KCNA2: variants seen among roughly 807,000 people sequenced by gnomAD.
KCNA2 encodes potassium voltage-gated channel subfamily A member 2, also known as potassium channel, voltage gated shaker related subfamily A, member 2.
In KCNA2, 11 loss-of-function variants were observed where a neutral mutation model predicts 33.4. The observed-to-expected ratio is 0.33, with a 90% CI of 0.21 to 0.55. KCNA2 has a LOEUF of 0.55. KCNA2 is among the 20% of genes least tolerant of loss of function. The pLI is 0.93. For missense variants in KCNA2, 291 were observed against 621.6 expected (o/e 0.47, Z 5.66); for synonymous variants, 222 against 231.3 (o/e 0.96, Z 0.37).
At chr1:110,607,463 G>A (rs1458856846), upstream of KCNA2, 2 of 152,508 alleles carry the variant, frequency 1.3e-5, no homozygotes, top group African/African-American at 4.8e-5. Flanking sequence ...GAATTAAAGG[G>A]GCCGGCGGGG....
intron 1 of KCNA2, among the ~76,000 whole-genome samples, chr1:110,624,119 T>A (rs918481528): frequency 2.0e-5 from 3 of 152,242 alleles, no homozygotes; most frequent in Non-Finnish European, 4.4e-5. Context: ...ATATACCTAC[T>A]ATATTAGCAA....
At chr1:110,615,195 T>G (rs1248302441) in intron 1 of KCNA2, among the ~76,000 whole-genome samples, 1 of 152,132 alleles carries the variant, frequency 6.6e-6, no homozygotes, top group Admixed American at 6.6e-5. Flanking sequence ...AGGCGACCTG[T>G]AAGATCACAG....
At position 110,594,292 on chromosome 1, in the gene KCNA2, TCTATATATATATATAC is replaced by T; in HGVS notation, c.*8975_*8990del. Reference sequence around the variant, plus strand: ...CGGCCATTTCCTCTCTCTCTCTCTCTCTATATATATATATACATATATATATATATGTGTGTGTATA... The same window carrying T: ...CGGCCATTTCCTCTCTCTCTCTCTCTATATATATATATATGTGTGTGTATA... On this transcript the variant is annotated 3_prime_UTR_variant, in exon 3 of 3. Transcript: ENST00000316361. 1.1e-6 allele frequency: 1 copy of T among 875,754 alleles called. No individual in the cohort carries two copies. The highest frequency in any genetic ancestry group is 1.3e-6 in the Non-Finnish European group (1 of 744,102). The allele number at this position is 875,754 out of a possible 1,614,324, so 54.2% of individuals were successfully genotyped here. A position where few individuals can be genotyped will look rare whatever the true frequency, so the allele number is the denominator to read the frequency against.
rs1263392943 is a variant in KCNA2, at chr1:110,599,902, C to T, written c.*3381G>A. ...CCAGCTGTCCCAGGTACTTTCACAC[C>T]CTGCACCCAGGTTTCTGGTGGGAGG... On this transcript the variant is annotated 3_prime_UTR_variant, in exon 3 of 3. Transcript: ENST00000316361. The T allele has an allele frequency of 2.0e-6, 2 of 985,232 alleles. No individual in the cohort carries two copies. The highest frequency in any genetic ancestry group is 1.7e-5 in the African/African-American group (1 of 57,188). 61.0% of individuals were successfully genotyped at this position (985,232 alleles called of 1,614,324 possible). A position where few individuals can be genotyped will look rare whatever the true frequency, so the allele number is the denominator to read the frequency against.
Position 110,595,462 on chromosome 1 carries a change from G to C in KCNA2, c.*7821C>G. 1 of 985,422 alleles carries C rather than the reference G, an allele frequency of 1.0e-6. No homozygotes were observed. The highest frequency in any genetic ancestry group is 1.2e-6 in the Non-Finnish European group (1 of 829,968). 61.0% of individuals were successfully genotyped at this position (985,422 alleles called of 1,614,324 possible). On this transcript the variant is annotated 3_prime_UTR_variant, in exon 3 of 3. Coordinates refer to ENST00000316361, the MANE Select transcript of KCNA2 (RefSeq NM_004974.4). ...ATAGCCAGACTGGAGGGCTTCTGTG[G>C]GTGTGGGGAGATGGCAGACACCCCT... is the stretch of plus-strand genomic sequence containing the variant.
At position 110,594,346 on chromosome 1, in the gene KCNA2, C is replaced by T; in HGVS notation, c.*8937G>A. 1 of 974,972 alleles carries T rather than the reference C, an allele frequency of 1.0e-6. No homozygotes were observed. The highest frequency in any genetic ancestry group is 1.2e-6 in the Non-Finnish European group (1 of 822,490). The allele number at this position is 974,972 out of a possible 1,614,324, so 60.4% of individuals were successfully genotyped here. On this transcript the variant is annotated 3_prime_UTR_variant, in exon 3 of 3. Transcript: ENST00000316361. Reference sequence around the variant, plus strand: ...ATGTGTGTGTATATATATATACACACACATCACACACAATATAAAGTCTCC... The same window carrying T: ...ATGTGTGTGTATATATATATACACATACATCACACACAATATAAAGTCTCC...
chr1:110,601,722 G>C lies in KCNA2; in HGVS notation c.*1561C>G, dbSNP rs971355462. ...ACAAATTAACCCATTAGGCCTCTTA[G>C]ACAGCCAACCCACCAAGCAGTGGAT... is the stretch of plus-strand genomic sequence containing the variant. On this transcript the variant is annotated 3_prime_UTR_variant, in exon 3 of 3. Coordinates refer to ENST00000316361, the MANE Select transcript of KCNA2 (RefSeq NM_004974.4). 5 of 1,160,600 alleles carry C rather than the reference G, an allele frequency of 4.3e-6. No individual in the cohort carries two copies. The highest frequency in any genetic ancestry group is 5.3e-6 in the Non-Finnish European group (5 of 945,308). 71.9% of individuals were successfully genotyped at this position (1,160,600 alleles called of 1,614,324 possible).
chr1:110,606,953 G>T (rs1409008324), upstream of KCNA2: 1 of 152,690 alleles, frequency 6.5e-6, no homozygotes, highest in East Asian at 1.9e-4. Context: ...GCTGCCAGCT[G>T]CACTTCCCAC....
At chr1:110,615,965 C>T (rs190434084) in intron 1 of KCNA2, among the ~76,000 whole-genome samples, 2 of 152,268 alleles carry the variant, frequency 1.3e-5, no homozygotes, top group South Asian at 2.1e-4. Flanking sequence ...GGTGCAGGGA[C>T]GTGCCTAAGG....
Position 110,597,399 on chromosome 1 carries a change from G to C in KCNA2, c.*5884C>G. 1 of 985,412 alleles carries C rather than the reference G, an allele frequency of 1.0e-6. No homozygotes were observed. 61.0% of individuals were successfully genotyped at this position (985,412 alleles called of 1,614,324 possible). On this transcript the variant is annotated 3_prime_UTR_variant, in exon 3 of 3. Coordinates refer to ENST00000316361, the MANE Select transcript of KCNA2 (RefSeq NM_004974.4). ...TGAGGGAAAGTCAACAAAATGGGCT[G>C]AAAAGGTCACACAAACTTAGGATTT...
chr1:110,602,291 A>C lies in KCNA2; in HGVS notation c.*992T>G, dbSNP rs894445137. ...GCCTTCTGATGGGAAAAAAACCCCTAGTTCAAGACCATTCCAAGCCTATTA... is the reference window on the plus strand; with the variant it reads ...GCCTTCTGATGGGAAAAAAACCCCTCGTTCAAGACCATTCCAAGCCTATTA... On this transcript the variant is annotated 3_prime_UTR_variant, in exon 3 of 3. Coordinates refer to ENST00000316361, the MANE Select transcript of KCNA2 (RefSeq NM_004974.4). 6.7e-7 allele frequency: 1 copy of C among 1,486,510 alleles called. No individual in the cohort carries two copies. 92.1% of individuals were successfully genotyped at this position (1,486,510 alleles called of 1,614,324 possible).
At chr1:110,608,674 G>T (rs1649762717), upstream of KCNA2, among the ~76,000 whole-genome samples, 3 of 152,186 alleles carry the variant, frequency 2.0e-5, no homozygotes, top group South Asian at 6.2e-4. Flanking sequence ...GGGCTGGTAT[G>T]GTTTAGAGCA....
In KCNA2 at chr1:110,601,076, C is replaced by A; in HGVS notation, c.*2207G>T. On this transcript the variant is annotated 3_prime_UTR_variant, in exon 3 of 3. Transcript: ENST00000316361. ...CATTTCAGGGTCAACCTACTGTCTACCTTTAGGCTGTGCAGTGCTCATTTG... is the reference window on the plus strand; with the variant it reads ...CATTTCAGGGTCAACCTACTGTCTAACTTTAGGCTGTGCAGTGCTCATTTG... The A allele has an allele frequency of 1.0e-6, 1 of 985,440 alleles. No homozygotes were observed. Among genetic ancestry groups the A allele is most frequent in the Non-Finnish European group, 1.2e-6 (1 of 829,948 alleles). The allele number at this position is 985,440 out of a possible 1,614,324, so 61.0% of individuals were successfully genotyped here.
At chr1:110,612,052 C>T (rs890487799) in intron 1 of KCNA2, among the ~76,000 whole-genome samples, 2 of 152,014 alleles carry the variant, frequency 1.3e-5, no homozygotes, top group African/African-American at 4.8e-5. Context: ...AATAAAAGAA[C>T]ATGTTAAGGA....
At chr1:110,628,558 T>C (rs1421319221) in intron 1 of KCNA2, among the ~76,000 whole-genome samples, 1 of 152,158 alleles carries the variant, frequency 6.6e-6, no homozygotes, top group Non-Finnish European at 1.5e-5. Context: ...CAGAGACCCA[T>C]TGTGTCCATC....
chr1:110,594,048 C>T lies in KCNA2; in HGVS notation c.*9235G>A, dbSNP rs1648980210. On this transcript the variant is annotated 3_prime_UTR_variant, in exon 3 of 3. Transcript: ENST00000316361. ...CCCAGCCTCTTATCACCATGGAGAC[C>T]CCAGTTCCCTTTCGGCATCATCCTT... The T allele has an allele frequency of 2.0e-6, 3 of 1,494,854 alleles. No homozygotes were observed. In the African/African-American group the frequency reaches 4.2e-5, roughly 21 times the overall value. 92.6% of individuals were successfully genotyped at this position (1,494,854 alleles called of 1,614,324 possible). A position where few individuals can be genotyped will look rare whatever the true frequency, so the allele number is the denominator to read the frequency against.
rs1649254797 is a variant in KCNA2 at position 110,599,711 on chromosome 1, G to A, written c.*3572C>T. The A allele has an allele frequency of 1.0e-6, 1 of 985,288 alleles. No individual in the cohort carries two copies. The highest frequency in any genetic ancestry group is 1.2e-6 in the Non-Finnish European group (1 of 829,934). 61.0% of individuals were successfully genotyped at this position (985,288 alleles called of 1,614,324 possible). ...TTGGGGACATCTTTACCCTGGTCCT[G>A]GGCTCAAGATCCTGCAGTTTCTTGA... On this transcript the variant is annotated 3_prime_UTR_variant, in exon 3 of 3. Transcript: ENST00000316361.
intron 1 of KCNA2, among the ~76,000 whole-genome samples, chr1:110,619,538 G>T (rs781212452): frequency 1.9e-4 from 29 of 152,248 alleles, no homozygotes. Context: ...ACATGCAGCG[G>T]TATCTGCACA....
At chr1:110,629,929 G>A (rs114403865) in intron 1 of KCNA2, among the ~76,000 whole-genome samples, 1,990 of 151,868 alleles carry the variant, frequency 0.013, 50 homozygotes, top group African/African-American at 0.046. Context: ...TAATGCAGTG[G>A]TGGGTAGGTT....
Sources: gnomAD v4.1 joint callset for allele counts (sites outside exome capture counted in the v4.1 genomes callset) on GRCh38, gnomAD v4.1.1 for gene constraint, MANE v1.5 for transcripts, NCBI Gene and HGNC (gene_info 2026-07-23, HGNC 2026-07-21) for gene names.